The following TCF12 variants were observed in gnomAD, a reference collection of about 807,000 sequenced individuals.
TCF12 encodes transcription factor 12.
In TCF12, 45 loss-of-function variants were observed where a neutral mutation model predicts 86.0. The ratio of observed to expected loss-of-function variants is 0.52; its 90% CI spans 0.41 to 0.67. TCF12 has a LOEUF of 0.67. TCF12 is among the 30% of genes least tolerant of loss of function. The probability of loss-of-function intolerance (pLI) is 0.00; values close to 1 mark genes in which losing one functional copy is unlikely to be tolerated. For synonymous variants in TCF12, 330 were observed against 299.6 expected, an observed-to-expected ratio of 1.10 and a Z score of -1.05; for missense variants, 881 against 859.9, an observed-to-expected ratio of 1.02 and a Z score of -0.31.
intron 18 of TCF12, 64 bp from the exon 19 acceptor site, chr15:57,272,966 G>A (rs1037151534): frequency 5.0e-5 from 72 of 1,442,432 alleles, no homozygotes; most frequent in Non-Finnish European, 6.8e-5. Context: ...TTATAATTGT[G>A]CACAATCAGC....
At chr15:57,060,321 T>C (rs1245649134) in intron 3 of TCF12, among the ~76,000 whole-genome samples, 1 of 152,228 alleles carries the variant, frequency 6.6e-6, no homozygotes, top group Non-Finnish European at 1.5e-5. Context: ...TAAAACAGCA[T>C]GCTTTTAAAA....
chr15:57,004,055 TC>T (rs1222006065), intron 3 of TCF12, among the ~76,000 whole-genome samples: 2 of 152,192 alleles, frequency 1.3e-5, no homozygotes, highest in Admixed American at 6.5e-5. Flanking sequence ...TGTTTTTTTT[TC>T]CTCAGTGATG....
At chr15:56,950,760 T>C (rs2061232844) in intron 3 of TCF12, among the ~76,000 whole-genome samples, 1 of 143,930 alleles carries the variant, frequency 6.9e-6, no homozygotes, top group Non-Finnish European at 1.5e-5. Context: ...TTTTTTTTTT[T>C]TTTTTTTTTT....
chr15:57,200,711 C>T (rs1194828833), intron 8 of TCF12, among the ~76,000 whole-genome samples: 1 of 152,164 alleles, frequency 6.6e-6, no homozygotes, highest in African/African-American at 2.4e-5. Flanking sequence ...GATCATGTAG[C>T]ATTGATTAGA....
intron 8 of TCF12, among the ~76,000 whole-genome samples, chr15:57,198,197 A>C (rs2057367316): frequency 6.6e-6 from 1 of 152,162 alleles, no homozygotes; most frequent in Non-Finnish European, 1.5e-5. Context: ...AAATCTTAGA[A>C]ATTTACATTT....
rs550493641 is a variant in TCF12 at position 57,223,643 on chromosome 15, G to GTT, written c.580-7482_580-7481dup. Among the ~76,000 whole-genome samples the GTT allele has an allele frequency of 5.5e-3, 384 of 69,670 alleles. 45 individuals carry two copies. Among genetic ancestry groups the GTT allele is most frequent in the Non-Finnish European group, 8.2e-3 (295 of 35,966 alleles). The allele number at this position is 69,670 out of a possible 152,430, so 45.7% of individuals were successfully genotyped here. A position where few individuals can be genotyped will look rare whatever the true frequency, so the allele number is the denominator to read the frequency against. On this transcript the variant is annotated intron_variant, in intron 8 of 20. Coordinates refer to ENST00000333725, the MANE Select transcript of TCF12 (RefSeq NM_207037.2). ...GTTTTGGCACCTGCCTACCAATGAGGTTTTTTTTTTTTTTTTTTTTTTTTT... is the reference window on the plus strand; with the variant it reads ...GTTTTGGCACCTGCCTACCAATGAGGTTTTTTTTTTTTTTTTTTTTTTTTTTT...
intron 12 of TCF12, among the ~76,000 whole-genome samples, chr15:57,242,551 G>C (rs2059681299): frequency 6.6e-6 from 1 of 152,114 alleles, no homozygotes; most frequent in Non-Finnish European, 1.5e-5. Context: ...CTCGTAGTCT[G>C]AGCTACTAGG....
intron 8 of TCF12, among the ~76,000 whole-genome samples, chr15:57,210,527 G>C (rs1263264386): frequency 1.3e-5 from 2 of 152,028 alleles, no homozygotes; most frequent in African/African-American, 4.8e-5. Context: ...TGTGCCCCTT[G>C]GTTAGATAGG....
rs572690155 is a variant in TCF12 at position 56,930,512 on chromosome 15, G to A, written c.148+9414G>A. On this transcript the variant is annotated intron_variant, in intron 3 of 20. Transcript: ENST00000333725. ...TAATCTACTTGGTACTGACATACTCGGATTTTAGAAAATGTTTTTTAGTGT... is the reference window on the plus strand; with the variant it reads ...TAATCTACTTGGTACTGACATACTCAGATTTTAGAAAATGTTTTTTAGTGT... 7.2e-5 allele frequency among the ~76,000 whole-genome samples: 11 copies of A among 152,190 alleles called. No individual in the cohort carries two copies. The East Asian group carries it at 1.5e-3, about 21-fold the overall frequency.
chr15:57,154,279 AC>A (rs1341342687), intron 5 of TCF12, among the ~76,000 whole-genome samples: 1 of 152,166 alleles, frequency 6.6e-6, no homozygotes, highest in Non-Finnish European at 1.5e-5. Context: ...ACATCTGTTT[AC>A]ACACTGCTAA....
intron 3 of TCF12, among the ~76,000 whole-genome samples, chr15:56,992,195 C>T (rs542236164): frequency 7.2e-5 from 11 of 152,096 alleles, no homozygotes; most frequent in African/African-American, 2.4e-4. Flanking sequence ...GATGTGAGCC[C>T]AGGAGGTTGA....
rs147182355 is a variant in TCF12, at chr15:57,265,314, G to A, written c.1745+2040G>A. On this transcript the variant is annotated intron_variant, in intron 18 of 20. Coordinates refer to ENST00000333725, the MANE Select transcript of TCF12 (RefSeq NM_207037.2). ...CATGTGGGTTTTCTCTAAGTACTCC[G>A]GTTTCTTCCTTCACCCCAAAAATGT... 1.1e-4 allele frequency among the ~76,000 whole-genome samples: 16 copies of A among 151,930 alleles called. No homozygotes were observed. In the South Asian group the frequency reaches 2.3e-3, roughly 22 times the overall value.
chr15:56,959,764 C>T (rs905064288), intron 3 of TCF12, among the ~76,000 whole-genome samples: 6 of 151,990 alleles, frequency 3.9e-5, no homozygotes, highest in Non-Finnish European at 7.4e-5. Context: ...TAAAATGGTT[C>T]TATTTGTTAT....
chr15:56,974,022 A>G (rs1039705888), intron 3 of TCF12, among the ~76,000 whole-genome samples: 9 of 152,286 alleles, frequency 5.9e-5, no homozygotes, highest in Middle Eastern at 3.4e-3. Context: ...TACTCAGATT[A>G]AAGATGCCAC....
intron 4 of TCF12, among the ~76,000 whole-genome samples, chr15:57,091,222 T>A (rs2048974023): frequency 6.6e-6 from 1 of 152,204 alleles, no homozygotes; most frequent in Non-Finnish European, 1.5e-5. Flanking sequence ...CCTTTTTTGT[T>A]GAATATTTGC....
intron 4 of TCF12, among the ~76,000 whole-genome samples, chr15:57,072,334 A>G (rs1242477867): frequency 6.6e-6 from 1 of 152,230 alleles, no homozygotes; most frequent in African/African-American, 2.4e-5. Flanking sequence ...TTGTCAAGTT[A>G]GCTATGGTTG....
At chr15:57,005,704 G>A (rs1461506189) in intron 3 of TCF12, among the ~76,000 whole-genome samples, 3 of 152,084 alleles carry the variant, frequency 2.0e-5, no homozygotes, top group African/African-American at 7.2e-5. Context: ...GAGTAGCTAG[G>A]ATTACAGGTG....
chr15:57,009,260 C>T (rs1357223664), intron 3 of TCF12, among the ~76,000 whole-genome samples: 1 of 152,082 alleles, frequency 6.6e-6, no homozygotes, highest in Admixed American at 6.6e-5. Context: ...TACAGGCGCA[C>T]TTCATCAAGC....
At chr15:57,201,743 T>C (rs1334529211) in intron 8 of TCF12, among the ~76,000 whole-genome samples, 2 of 152,158 alleles carry the variant, frequency 1.3e-5, no homozygotes, top group Non-Finnish European at 2.9e-5. Context: ...GCATGGGTGG[T>C]ACTTTGGATT....
Sources: allele counts gnomAD v4.1 joint callset (sites outside exome capture counted in the v4.1 genomes callset), GRCh38; gene constraint gnomAD v4.1.1; transcripts MANE v1.5; gene names NCBI Gene and HGNC (gene_info 2026-07-23, HGNC 2026-07-21).